The following GUF1 variants were observed in gnomAD, a reference collection of about 807,000 sequenced individuals.
GUF1 encodes GTP binding elongation factor GUF1.
In GUF1, 78 loss-of-function variants were observed where a neutral mutation model predicts 82.4. The observed-to-expected ratio is 0.95, with a 90% CI of 0.79 to 1.14. GUF1 has a LOEUF of 1.14. Ranked by LOEUF, GUF1 falls within the 50% of genes most tolerant of loss-of-function variation. The probability of loss-of-function intolerance (pLI) is 0.00; values close to 1 mark genes in which losing one functional copy is unlikely to be tolerated. For synonymous variants in GUF1, 279 were observed against 282.3 expected (o/e 0.99, Z 0.12); for missense variants, 814 against 798.2 (o/e 1.02, Z -0.24).
chr4:44,690,453 CTAAA>C (rs2109654119), intron 11 of GUF1, among the ~76,000 whole-genome samples: 1 of 151,790 alleles, frequency 6.6e-6, no homozygotes, highest in South Asian at 2.1e-4. Context: ...TTTTGGCAAT[CTAAA>C]TATTTTCCAA....
intron 15 of GUF1, 37 bp from the exon 16 acceptor site, chr4:44,697,371 G>T: frequency 1.4e-6 from 2 of 1,397,512 alleles, no homozygotes; most frequent in South Asian, 1.3e-5. Context: ...ACAGTATAAT[G>T]GAATTATGTA....
intron 8 of GUF1, 69 bp downstream of exon 8, chr4:44,686,782 T>G: frequency 1.9e-6 from 2 of 1,035,706 alleles, no homozygotes; most frequent in Non-Finnish European, 3.0e-6. Flanking sequence ...TTTTCTCAAC[T>G]TGGTATGCTT....
At chr4:44,685,720 T>C (rs565364919) in intron 6 of GUF1, among the ~76,000 whole-genome samples, 1 of 152,174 alleles carries the variant, frequency 6.6e-6, no homozygotes, top group South Asian at 2.1e-4. Flanking sequence ...TATTCCTCTT[T>C]CAATACCATA....
chr4:44,691,335 G>A (rs542274972), intron 12 of GUF1, among the ~76,000 whole-genome samples: 2 of 151,678 alleles, frequency 1.3e-5, no homozygotes, highest in Non-Finnish European at 3.0e-5. Flanking sequence ...ACTGAGCTTT[G>A]ATTAGGTTAA....
Position 44,695,706 on chromosome 4 carries a change from A to G in GUF1, c.1807A>G (p.Ile603Val), listed in dbSNP as rs756662225. ...GTTTGAGATAGCAATTCAAGCTGCT[A>G]TTGGAAGTAAAATCATTGCAAGAGA... The part of the protein sequence containing the change: ...QLFEIAIQAA[I>V]GSKIIARETV... Residue 603 changes from isoleucine (I) to valine (V), a missense_variant, in exon 15 of 17, where the codon ATT becomes GTT. Physicochemically the swap from Ile to Val is conservative, Grantham distance 29. Transcript: ENST00000281543. 5.6e-6 allele frequency: 9 copies of G among 1,612,852 alleles called. No homozygotes were observed. The Admixed American group carries it at 1.2e-4, about 21-fold the overall frequency.
intron 1 of GUF1, 115 bp from the exon 2 acceptor site, chr4:44,680,326 T>C (rs1199534425): frequency 3.5e-6 from 2 of 568,606 alleles, no homozygotes; most frequent in Non-Finnish European, 6.3e-6. Flanking sequence ...ATATAAACAA[T>C]ATAAATGCTA....
Position 44,678,665 on chromosome 4 carries a change from C to G in GUF1, c.43C>G (p.Leu15Val). The change falls in exon 1 of 17, where the codon CTC becomes GTC. Residue 15 changes from leucine (L) to valine (V), a missense_variant. Leu to Val is a conservative substitution (Grantham distance 32). Coordinates refer to ENST00000281543, the MANE Select transcript of GUF1 (RefSeq NM_021927.3). ...TCGGGGCTGGGGGTGCGCACGCGCTCTCGCGCCACGAGCCACTGGGGCCGC... is the reference window on the plus strand; with the variant it reads ...TCGGGGCTGGGGGTGCGCACGCGCTGTCGCGCCACGAGCCACTGGGGCCGC... Reference protein sequence around the residue: ...VGRGWGCARALAPRATGAALL... With the variant: ...VGRGWGCARAVAPRATGAALL... The G allele has an allele frequency of 1.3e-6, 2 of 1,490,524 alleles. No individual in the cohort carries two copies. The highest frequency in any genetic ancestry group is 1.8e-6 in the Non-Finnish European group (2 of 1,134,326). 92.3% of individuals were successfully genotyped at this position (1,490,524 alleles called of 1,614,324 possible).
intron 4 of GUF1, among the ~76,000 whole-genome samples, chr4:44,682,011 C>T (rs1317692154): frequency 1.3e-5 from 2 of 152,022 alleles, no homozygotes; most frequent in East Asian, 3.9e-4. Context: ...GAGGATGATT[C>T]AGATGCATGG....
chr4:44,696,618 A>G (rs1715843988), intron 15 of GUF1, among the ~76,000 whole-genome samples: 1 of 150,920 alleles, frequency 6.6e-6, no homozygotes, highest in Non-Finnish European at 1.5e-5. Flanking sequence ...AAACCTAATG[A>G]GGAAATACAA....
chr4:44,684,422 G>A (rs1714937409), intron 6 of GUF1, among the ~76,000 whole-genome samples: 1 of 152,092 alleles, frequency 6.6e-6, no homozygotes, highest in South Asian at 2.1e-4. Context: ...GGATGAGAAG[G>A]CTTTGTAGGG....
At chr4:44,690,120 G>C in intron 11 of GUF1, 145 bp downstream of exon 11, 1 of 492,560 alleles carries the variant, frequency 2.0e-6, no homozygotes, top group Non-Finnish European at 3.2e-6. Context: ...TTGATTAGTA[G>C]TAATAAACAT....
chr4:44,680,994 A>G, intron 3 of GUF1, 129 bp from the exon 4 acceptor site: 1 of 1,101,372 alleles, frequency 9.1e-7, no homozygotes. Flanking sequence ...AGTTGTTTCA[A>G]AAGTGCAGGC....
intron 15 of GUF1, among the ~76,000 whole-genome samples, chr4:44,696,828 T>C (rs956366294): frequency 6.6e-6 from 1 of 152,128 alleles, no homozygotes; most frequent in African/African-American, 2.4e-5. Context: ...AAAATAAGTG[T>C]GTTGAGATAA....
rs1184845935 is a variant in GUF1, at chr4:44,698,604, A to T, written c.1933A>T (p.Lys645Ter). Residue 645 changes from lysine (K) to a stop codon, truncating the protein, a stop_gained, in exon 17 of 17, where the codon AAG (lysine) becomes TAG (stop). Coordinates refer to ENST00000281543, the MANE Select transcript of GUF1 (RefSeq NM_021927.3). LOFTEE classifies it high-confidence loss of function. ...LLKRQAEGKK[K>*]LRKIGNVEVP... ...GAAGAGACAAGCAGAAGGGAAAAAA[A>T]AGCTGAGGAAAATTGGCAACGTTGA... 4 of 1,611,672 alleles carry T rather than the reference A, an allele frequency of 2.5e-6. No homozygotes were observed. In the South Asian group the frequency reaches 4.4e-5, roughly 18 times the overall value.
chr4:44,695,123 A>T (rs1715720187), intron 14 of GUF1, among the ~76,000 whole-genome samples: 1 of 152,170 alleles, frequency 6.6e-6, no homozygotes, highest in Non-Finnish European at 1.5e-5. Flanking sequence ...AAAAAATTAT[A>T]AAAAGGAAAA....
Position 44,686,023 on chromosome 4 carries a change from C to A in GUF1, c.734C>A (p.Pro245His), listed in dbSNP as rs116799930. 4 of 1,596,478 alleles carry A rather than the reference C, an allele frequency of 2.5e-6. No individual in the cohort carries two copies. The highest frequency in any genetic ancestry group is 2.2e-5 in the South Asian group (2 of 90,656). ...VLQAIIERIP[P>H]PKVHRKNPLR... ...CAGGCAATTATTGAAAGAATCCCCC[C>A]GTGAGTATTTGGTGATTTTTGTACT... is the stretch of plus-strand genomic sequence containing the variant. Residue 245 changes from proline to histidine, a missense_variant and splice_region_variant, in exon 7 of 17, where the codon CCT (proline) becomes CAT (histidine). Coordinates refer to ENST00000281543, the MANE Select transcript of GUF1 (RefSeq NM_021927.3).
At chr4:44,689,814 AT>A in intron 10 of GUF1, 28 bp from the exon 11 acceptor site, 1 of 1,579,182 alleles carries the variant, frequency 6.3e-7, no homozygotes, top group Non-Finnish European at 8.6e-7. Flanking sequence ...GGACATAAAC[AT>A]TTTGGAGTTT....
At chr4:44,689,505 C>T in intron 10 of GUF1, 96 bp downstream of exon 10, 1 of 1,301,842 alleles carries the variant, frequency 7.7e-7, no homozygotes, top group Non-Finnish European at 1.0e-6. Flanking sequence ...TAAAAAATAT[C>T]TTTATAAGTA....
Position 44,691,756 on chromosome 4 carries a change from G to T in GUF1, c.1570G>T (p.Asp524Tyr). ...CTTTCCTTTGAATGAAATTGTGGTA[G>T]ATTTTTATGACTCTTTGAAATCCCT... ...YLFPLNEIVV[D>Y]FYDSLKSLSS... The change falls in exon 13 of 17, where the codon GAT becomes TAT. Residue 524 changes from aspartate to tyrosine, a missense_variant. Physicochemically the swap from Asp to Tyr is radical, Grantham distance 160 (BLOSUM62 -3). Coordinates refer to ENST00000281543, the MANE Select transcript of GUF1 (RefSeq NM_021927.3). The T allele has an allele frequency of 6.3e-7, 1 of 1,594,266 alleles. No individual in the cohort carries two copies. The highest frequency in any genetic ancestry group is 8.6e-7 in the Non-Finnish European group (1 of 1,168,020).
Sources: allele counts gnomAD v4.1 joint callset (sites outside exome capture counted in the v4.1 genomes callset), GRCh38; gene constraint gnomAD v4.1.1; transcripts MANE v1.5; gene names NCBI Gene and HGNC (gene_info 2026-07-23, HGNC 2026-07-21).